Variants in YBEY observed in about 807,000 individuals in gnomAD.
The protein encoded by YBEY is endoribonuclease YbeY.
In YBEY, 15 loss-of-function variants were observed where a neutral mutation model predicts 13.5. That is an observed-to-expected ratio of 1.11 (90% confidence interval 0.75 to 1.72). The LOEUF is 1.72. Among genes scored for constraint, YBEY ranks in the 40% most tolerant of loss-of-function variants. YBEY has a pLI of 0.00. For missense variants in YBEY, 244 were observed against 208.4 expected (o/e 1.17, Z -1.05); for synonymous variants, 101 against 83.1 (o/e 1.21, Z -1.17).
At chr21:46,297,453 G>C in intron 4 of YBEY, 86 bp from the exon 5 acceptor site, 1 of 1,243,436 alleles carries the variant, frequency 8.0e-7, no homozygotes, top group Non-Finnish European at 1.0e-6. Flanking sequence ...CAAACCCTGT[G>C]GGAGGGGCAT....
At chr21:46,286,705 T>G in intron 1 of YBEY, 165 bp from the exon 2 acceptor site, 4 of 530,246 alleles carry the variant, frequency 7.5e-6, no homozygotes, top group African/African-American at 2.0e-5. Flanking sequence ...GCGGCATCCT[T>G]CCATAGACCC....
At chr21:46,308,191 G>A in the YBEY span, among the ~76,000 whole-genome samples, 4 of 152,036 alleles carry the variant, frequency 2.6e-5, no homozygotes, top group Admixed American at 6.6e-5. Context: ...GCCCAGGCGC[G>A]GTGGCTCACG....
the YBEY span, among the ~76,000 whole-genome samples, chr21:46,309,461 C>CAA: frequency 1.6e-4 from 14 of 90,320 alleles, no homozygotes; most frequent in African/African-American, 2.6e-4. Context: ...GACTCCGTCT[C>CAA]AAAAAAAAAA....
chr21:46,302,345 G>T, downstream of YBEY: 1 of 1,105,692 alleles, frequency 9.0e-7, no homozygotes, highest in Non-Finnish European at 1.3e-6. Context: ...GGACTCGATG[G>T]GGATGGGGGC....
At chr21:46,289,866 G>A (rs1384846550) in intron 2 of YBEY, among the ~76,000 whole-genome samples, 1 of 145,314 alleles carries the variant, frequency 6.9e-6, no homozygotes, top group African/African-American at 2.5e-5. Context: ...CAGTTGCTGG[G>A]CAGATTATCC....
the YBEY span, chr21:46,313,168 G>A: frequency 8.2e-6 from 4 of 488,514 alleles, no homozygotes; most frequent in African/African-American, 2.1e-5. Flanking sequence ...AAGCAGCTAC[G>A]GACAATGTGG....
chr21:46,287,165 C>T, intron 2 of YBEY, 42 bp downstream of exon 2: 1 of 1,525,404 alleles, frequency 6.6e-7, no homozygotes, highest in Non-Finnish European at 8.9e-7. Flanking sequence ...CCCATCTTCC[C>T]AGAGTAAATT....
the YBEY span, among the ~76,000 whole-genome samples, chr21:46,304,883 C>G: frequency 6.6e-6 from 1 of 152,248 alleles, no homozygotes; most frequent in African/African-American, 2.4e-5. Context: ...TGGACTGTTA[C>G]TCATCTGTGA....
At chr21:46,303,074 G>A in the YBEY span, among the ~76,000 whole-genome samples, 1 of 152,132 alleles carries the variant, frequency 6.6e-6, no homozygotes, top group East Asian at 1.9e-4. Context: ...TGAGGCATGA[G>A]AATCGCTTGA....
chr21:46,310,371 C>T, the YBEY span, among the ~76,000 whole-genome samples: 12 of 151,668 alleles, frequency 7.9e-5, no homozygotes, highest in Non-Finnish European at 1.5e-4. Flanking sequence ...CCCAGCTACT[C>T]GAGAGGCTGA....
chr21:46,310,815 C>T, the YBEY span, among the ~76,000 whole-genome samples: 1 of 151,240 alleles, frequency 6.6e-6, no homozygotes, highest in Non-Finnish European at 1.5e-5. Context: ...CTCTCTCTCT[C>T]TCTCTAAATA....
the YBEY span, among the ~76,000 whole-genome samples, chr21:46,312,001 A>ACCCACCCATCCACCCATCCC: frequency 1.1e-5 from 1 of 90,634 alleles, no homozygotes; most frequent in Non-Finnish European, 2.1e-5. Flanking sequence ...CCACCCATCC[A>ACCCACCCATCCACCCATCCC]CCCACCCATC....
downstream of YBEY, chr21:46,300,880 A>C (rs576913351): frequency 3.8e-4 from 232 of 607,034 alleles, 1 homozygote; most frequent in South Asian, 1.7e-3. Flanking sequence ...AATTGCACCC[A>C]AAAAAAAAAG....
chr21:46,305,898 C>T, the YBEY span, among the ~76,000 whole-genome samples: 14 of 151,624 alleles, frequency 9.2e-5, no homozygotes, highest in East Asian at 3.9e-4. Context: ...GCTGAGATTG[C>T]GCCACTGCAC....
At chr21:46,296,733 G>A (rs1291536786) in intron 4 of YBEY, among the ~76,000 whole-genome samples, 1 of 152,128 alleles carries the variant, frequency 6.6e-6, no homozygotes, top group Non-Finnish European at 1.5e-5. Context: ...AGTGGCTCAC[G>A]CCTGTAATCC....
the YBEY span, among the ~76,000 whole-genome samples, chr21:46,309,461 CAAA>C: frequency 4.4e-5 from 4 of 90,296 alleles, no homozygotes; most frequent in South Asian, 3.8e-4. Context: ...GACTCCGTCT[CAAA>C]AAAAAAAAAA....
chr21:46,286,457 G>C (rs2081433244), intron 1 of YBEY, 42 bp downstream of exon 1: 1 of 160,522 alleles, frequency 6.2e-6, no homozygotes, highest in Non-Finnish European at 1.4e-5. Flanking sequence ...CGAGAGCGTC[G>C]CATTCACCCG....
chr21:46,296,766 A>G (rs11700648), intron 4 of YBEY, among the ~76,000 whole-genome samples: 92,530 of 148,616 alleles, frequency 0.62, 29,536 homozygotes, highest in Non-Finnish European at 0.71. Context: ...AGGCCGAGGC[A>G]GGCGGATCAA....
chr21:46,305,528 A>G, the YBEY span, among the ~76,000 whole-genome samples: 3 of 151,962 alleles, frequency 2.0e-5, no homozygotes, highest in Non-Finnish European at 2.9e-5. Context: ...AGAGGTCTCA[A>G]TATGTTGCCC....
Sources: allele counts gnomAD v4.1 joint callset (sites outside exome capture counted in the v4.1 genomes callset), GRCh38; gene constraint gnomAD v4.1.1; transcripts MANE v1.5; gene names NCBI Gene and HGNC (gene_info 2026-07-23, HGNC 2026-07-21).